TGFB2: variants seen among roughly 807,000 people sequenced by gnomAD.
TGFB2 encodes transforming growth factor beta-2 proprotein.
Under a neutral mutation model 42.7 loss-of-function variants are expected in TGFB2, and 13 were observed. That is an observed-to-expected ratio of 0.30 (90% CI 0.20 to 0.48). The LOEUF is 0.48. Among genes scored for constraint, TGFB2 ranks in the 20% least tolerant of loss-of-function variants. The pLI, the probability that TGFB2 is intolerant of heterozygous loss-of-function variation, is 0.99. For missense variants in TGFB2, 390 were observed against 517.5 expected, an observed-to-expected ratio of 0.75 and a Z score of 2.39; for synonymous variants, 193 against 193.6, an observed-to-expected ratio of 1.00 and a Z score of 0.03.
At chr1:218,428,227 G>T (rs1395511816) in intron 2 of TGFB2, among the ~76,000 whole-genome samples, 1 of 152,176 alleles carries the variant, frequency 6.6e-6, no homozygotes, top group Non-Finnish European at 1.5e-5. Flanking sequence ...GTAGATTCTG[G>T]ATATTAGCCC....
rs1247028624 is a variant in TGFB2 at position 218,434,317 on chromosome 1, CCTT to C, written c.644-20_644-18del. ...GTATAGACACACATACAAATGACCT[CCTT>C]GACTTAATGTTTTCCAGACAGGAAC... On this transcript the variant is annotated intron_variant, in intron 3 of 6. Transcript: ENST00000366930. 7.4e-6 allele frequency: 12 copies of C among 1,612,600 alleles called. No individual in the cohort carries two copies. Among genetic ancestry groups the C allele is most frequent in the Admixed American group, 3.3e-5 (2 of 59,956 alleles).
intron 1 of TGFB2, 130 bp from the exon 2 acceptor site, chr1:218,405,039 T>C: frequency 9.6e-7 from 1 of 1,040,318 alleles, no homozygotes; most frequent in South Asian, 1.8e-5. Context: ...GTTAATGGTA[T>C]TAAACTGGCC....
At position 218,436,202 on chromosome 1, in the gene TGFB2, C is replaced by T. The variant is rs1052677525; in HGVS notation, c.932+55C>T. The T allele has an allele frequency of 3.2e-6, 5 of 1,571,730 alleles. No individual in the cohort carries two copies. The Admixed American group carries it at 7.2e-5, about 23-fold the overall frequency. On this transcript the variant is annotated intron_variant, in intron 5 of 6. Transcript: ENST00000366930. The stretch of plus-strand genomic sequence containing the variant: ...TTGCATCTGTTAACTCTTAAACTGC[C>T]TTTGCCCTTTCTTTTACTGTGTATT...
chr1:218,379,356 G>T (rs1657878157), intron 1 of TGFB2, among the ~76,000 whole-genome samples: 1 of 151,546 alleles, frequency 6.6e-6, no homozygotes, highest in African/African-American at 2.4e-5. Flanking sequence ...GGATGGCCTC[G>T]ATCTCCTGAC....
At chr1:218,399,254 C>G (rs1198803483) in intron 1 of TGFB2, among the ~76,000 whole-genome samples, 1 of 152,156 alleles carries the variant, frequency 6.6e-6, no homozygotes, top group Non-Finnish European at 1.5e-5. Context: ...TACCCTTCAA[C>G]AGCTTCTCCT....
intron 1 of TGFB2, among the ~76,000 whole-genome samples, chr1:218,393,116 G>A (rs571312849): frequency 2.0e-5 from 3 of 152,228 alleles, no homozygotes; most frequent in South Asian, 2.1e-4. Context: ...ATAATGACCC[G>A]CTACACCCAT....
chr1:218,431,500 A>G (rs1659805449), intron 2 of TGFB2, among the ~76,000 whole-genome samples: 1 of 152,218 alleles, frequency 6.6e-6, no homozygotes, highest in South Asian at 2.1e-4. Flanking sequence ...ACACACATAT[A>G]TACATGTATA....
Position 218,443,345 on chromosome 1 carries a change from C to T in TGFB2, c.*1983C>T, listed in dbSNP as rs1391351427. 2.0e-5 allele frequency: 3 copies of T among 152,206 alleles called. No homozygotes were observed. The East Asian group carries it at 5.8e-4, about 29-fold the overall frequency. 9.4% of individuals were successfully genotyped at this position (152,206 alleles called of 1,614,324 possible). A position where few individuals can be genotyped will look rare whatever the true frequency, so the allele number is the denominator to read the frequency against. The stretch of plus-strand genomic sequence containing the variant: ...CAAAGCAATGGAATATTTGCAGTTT[C>T]ACCTAAAGAGCAGCATAAGGAGGCG... On this transcript the variant is annotated 3_prime_UTR_variant, in exon 7 of 7. Transcript: ENST00000366930.
chr1:218,410,823 C>A (rs1442072647), intron 2 of TGFB2, among the ~76,000 whole-genome samples: 1 of 152,088 alleles, frequency 6.6e-6, no homozygotes, highest in Non-Finnish European at 1.5e-5. Context: ...ATTAAGTTTC[C>A]CCTGTATGTA....
At chr1:218,408,372 C>T (rs550572879) in intron 2 of TGFB2, among the ~76,000 whole-genome samples, 82 of 152,242 alleles carry the variant, frequency 5.4e-4, no homozygotes, top group Middle Eastern at 6.8e-3. Context: ...ACGCAAGTGA[C>T]ATGATGTGCA....
chr1:218,363,740 G>T (rs1277474951), intron 1 of TGFB2, among the ~76,000 whole-genome samples: 1 of 152,090 alleles, frequency 6.6e-6, no homozygotes, highest in Non-Finnish European at 1.5e-5. Flanking sequence ...CTCTCTGGAG[G>T]GTTGGACAGC....
rs552432432 is a variant in TGFB2, at chr1:218,424,508, T to C, written c.511-9574T>C. ...GGGAACTTGTTAGAAATGCAGATTC[T>C]TGGGCCTCCACCTCATCCTATTAAA... is the stretch of plus-strand genomic sequence containing the variant. On this transcript the variant is annotated intron_variant, in intron 2 of 6. Coordinates refer to ENST00000366930, the MANE Select transcript of TGFB2 (RefSeq NM_003238.6). Among the ~76,000 whole-genome samples the C allele has an allele frequency of 1.5e-4, 23 of 152,366 alleles. No homozygotes were observed. The South Asian group carries it at 3.9e-3, about 26-fold the overall frequency.
intron 2 of TGFB2, among the ~76,000 whole-genome samples, chr1:218,430,409 T>G (rs564878938): frequency 1.3e-5 from 2 of 149,772 alleles, no homozygotes; most frequent in Admixed American, 1.3e-4. Context: ...AAAAAAAAAG[T>G]ATAAAGAAAT....
chr1:218,412,635 G>T (rs146676744), intron 2 of TGFB2, among the ~76,000 whole-genome samples: 2 of 152,292 alleles, frequency 1.3e-5, no homozygotes, highest in African/African-American at 4.8e-5. Context: ...TTCCCAATTA[G>T]CTTGGGGTTT....
chr1:218,412,678 C>T (rs1392172040), intron 2 of TGFB2, among the ~76,000 whole-genome samples: 4 of 152,132 alleles, frequency 2.6e-5, no homozygotes, highest in Admixed American at 1.3e-4. Context: ...ATGTCTATGA[C>T]GGCCAGGTGG....
At chr1:218,357,755 G>A (rs960452116) in intron 1 of TGFB2, among the ~76,000 whole-genome samples, 3 of 152,168 alleles carry the variant, frequency 2.0e-5, no homozygotes, top group African/African-American at 7.2e-5. Flanking sequence ...ACACTAGCAT[G>A]TTCCACTAGC....
chr1:218,382,981 G>T (rs1238705922), intron 1 of TGFB2, among the ~76,000 whole-genome samples: 1 of 152,182 alleles, frequency 6.6e-6, no homozygotes, highest in Non-Finnish European at 1.5e-5. Context: ...AATGTTCATG[G>T]GGGTAAGAAG....
At chr1:218,402,853 C>G (rs375919516) in intron 1 of TGFB2, among the ~76,000 whole-genome samples, 76 of 152,294 alleles carry the variant, frequency 5.0e-4, no homozygotes, top group African/African-American at 1.8e-3. Flanking sequence ...CAGCATCAGC[C>G]TGTGGAAGGT....
At chr1:218,402,460 G>C (rs1322342833) in intron 1 of TGFB2, among the ~76,000 whole-genome samples, 1 of 152,042 alleles carries the variant, frequency 6.6e-6, no homozygotes, top group Non-Finnish European at 1.5e-5. Context: ...TTGCTTAGAA[G>C]AAGAAGAAAC....
Sources: allele counts gnomAD v4.1 joint callset (sites outside exome capture counted in the v4.1 genomes callset), GRCh38; gene constraint gnomAD v4.1.1; transcripts MANE v1.5; gene names NCBI Gene and HGNC (gene_info 2026-07-23, HGNC 2026-07-21).